Variants in BFSP1 observed in about 807,000 individuals in gnomAD.
BFSP1 encodes beaded filament structural protein 1, also known as filensin.
Under a neutral mutation model 43.9 loss-of-function variants are expected in BFSP1, and 38 were observed. The ratio of observed to expected loss-of-function variants is 0.87; its 90% CI spans 0.67 to 1.14. BFSP1 has a LOEUF of 1.14. BFSP1 is among the 50% of genes most tolerant of loss of function. The pLI, the probability that BFSP1 is intolerant of heterozygous loss-of-function variation, is 0.00. For synonymous variants in BFSP1, 352 were observed against 354.8 expected (o/e 0.99, Z 0.09); for missense variants, 850 against 875.1 (o/e 0.97, Z 0.36).
chr20:17,514,730 C>A lies in BFSP1; in HGVS notation c.525G>T (p.Arg175Ser). 6.2e-7 allele frequency: 1 copy of A among 1,613,934 alleles called. No individual in the cohort carries two copies. ...AAGGGGTCATGATTACCTTCTTGTG[C>A]CTGTCCTTTGCCGCACTGATATCAT... ...LQDDISAAKD[R>S]HKKNLLEVQT... The change falls in exon 3 of 8, where the codon AGG (arginine) becomes AGT (serine). Residue 175 changes from arginine to serine, a missense_variant. By Grantham distance (110) the Arg-to-Ser change is moderately radical. Transcript: ENST00000377873.
intron 5 of BFSP1, among the ~76,000 whole-genome samples, chr20:17,502,183 A>G (rs557559191): frequency 2.6e-5 from 4 of 151,906 alleles, no homozygotes; most frequent in Non-Finnish European, 5.9e-5. Context: ...TTGGAAAAAA[A>G]AAAAAATAGT....
intron 5 of BFSP1, among the ~76,000 whole-genome samples, chr20:17,501,447 C>T (rs1055325872): frequency 6.6e-6 from 1 of 152,084 alleles, no homozygotes; most frequent in Non-Finnish European, 1.5e-5. Context: ...TGCCTGTAAT[C>T]CCAGCTACTC....
At chr20:17,551,596 C>T (rs1377250259) in intron 1 of BFSP1, among the ~76,000 whole-genome samples, 2 of 152,172 alleles carry the variant, frequency 1.3e-5, no homozygotes, top group Non-Finnish European at 2.9e-5. Flanking sequence ...ACATCTACAC[C>T]ACCAATCTTA....
At chr20:17,538,224 GT>G (rs1456535107) in intron 1 of BFSP1, among the ~76,000 whole-genome samples, 1 of 151,934 alleles carries the variant, frequency 6.6e-6, no homozygotes, top group East Asian at 1.9e-4. Flanking sequence ...TAGGAAACTG[GT>G]TTGGGGATGA....
chr20:17,524,433 G>C (rs377640255), intron 2 of BFSP1, among the ~76,000 whole-genome samples: 3 of 152,276 alleles, frequency 2.0e-5, no homozygotes, highest in African/African-American at 7.2e-5. Flanking sequence ...CTGTTATCTT[G>C]AGACTTCTGT....
chr20:17,557,548 A>G (rs2035013603), intron 1 of BFSP1, among the ~76,000 whole-genome samples: 1 of 152,198 alleles, frequency 6.6e-6, no homozygotes, highest in African/African-American at 2.4e-5. Flanking sequence ...GAGTGGTTGT[A>G]GGAGGGTTGC....
intron 5 of BFSP1, among the ~76,000 whole-genome samples, chr20:17,502,176 G>GAA (rs35758521): frequency 1.9e-4 from 28 of 145,164 alleles, no homozygotes; most frequent in Non-Finnish European, 3.0e-4. Flanking sequence ...TGCTCCTTTG[G>GAA]AAAAAAAAAA....
In BFSP1 at chr20:17,553,792, TATACACACACAC is replaced by T. The variant is rs1184599477; in HGVS notation, c.2+4884_2+4895del. Among the ~76,000 whole-genome samples the T allele has an allele frequency of 2.3e-3, 158 of 68,510 alleles. 1 individual carries two copies. In the African/African-American group the frequency reaches 0.024, roughly 11 times the overall value. 44.9% of individuals were successfully genotyped at this position (68,510 alleles called of 152,430 possible). ...ATATATAAACATATATATATATATA[TATACACACACAC>T]ACACACACACACACACACACATATA... is the stretch of plus-strand genomic sequence containing the variant. On this transcript the variant is annotated intron_variant, in intron 1 of 7. Transcript: ENST00000377868.
chr20:17,526,024 CTGTACAG>C (rs1050115548), intron 1 of BFSP1, among the ~76,000 whole-genome samples: 3 of 150,888 alleles, frequency 2.0e-5, no homozygotes, highest in African/African-American at 7.3e-5. Context: ...GTCCCAAATA[CTGTACAG>C]TATCATACTA....
chr20:17,504,905 GTTTTTTTTTTGT>G (rs745827158), intron 5 of BFSP1, among the ~76,000 whole-genome samples: 5,968 of 125,608 alleles, frequency 0.048, 410 homozygotes, highest in African/African-American at 0.15. Context: ...TAGGTGTAAG[GTTTTTTTTTTGT>G]TTTTGTTTTT....
At chr20:17,522,398 G>A (rs890930178) in intron 2 of BFSP1, among the ~76,000 whole-genome samples, 2 of 152,074 alleles carry the variant, frequency 1.3e-5, no homozygotes, top group Non-Finnish European at 2.9e-5. Context: ...CTTGCACAAG[G>A]CCCTCCCCAG....
In BFSP1 at chr20:17,531,120, C is replaced by T. The variant is rs974832705; in HGVS notation, c.210G>A (p.Arg70=). ...ALEQRHAGLR[R]QLDAFQRLGE... Reference sequence around the variant, plus strand: ...CCAGGCGCTGGAAGGCATCCAGCTGCCTCCGGAGCCCGGCATGGCGCTGCT... The same window carrying T: ...CCAGGCGCTGGAAGGCATCCAGCTGTCTCCGGAGCCCGGCATGGCGCTGCT... Residue 70 remains arginine (R), a synonymous_variant, in exon 1 of 8, where the codon AGG becomes AGA. Transcript: ENST00000377873. 14 of 1,335,414 alleles carry T rather than the reference C, an allele frequency of 1.0e-5. No homozygotes were observed. The highest frequency in any genetic ancestry group is 1.3e-5 in the Non-Finnish European group (14 of 1,046,332). The allele number at this position is 1,335,414 out of a possible 1,614,324, so 82.7% of individuals were successfully genotyped here. A position where few individuals can be genotyped will look rare whatever the true frequency, so the allele number is the denominator to read the frequency against.
rs765905262 is a variant in BFSP1 at position 17,494,704 on chromosome 20, T to G, written c.1368A>C (p.Lys456Asn). 6.5e-7 allele frequency: 1 copy of G among 1,536,628 alleles called. No homozygotes were observed. Among genetic ancestry groups the G allele is most frequent in the Non-Finnish European group, 8.8e-7 (1 of 1,139,224 alleles). ...RKVKEKVRSP[K>N]EPETPTELYT... is the part of the protein sequence containing the mutation. ...AGAGCTCAGTGGGGGTCTCAGGCTCTTTGGGGCTTCTCACTTTCTCCTTGA... is the reference window on the plus strand; with the variant it reads ...AGAGCTCAGTGGGGGTCTCAGGCTCGTTGGGGCTTCTCACTTTCTCCTTGA... Residue 456 changes from lysine (K) to asparagine (N), a missense_variant, in exon 8 of 8, where the codon AAA (lysine) becomes AAC (asparagine). Transcript: ENST00000377873.
intron 2 of BFSP1, chr20:17,517,342 A>T (rs1325570419): frequency 1.0e-5 from 10 of 974,542 alleles, no homozygotes; most frequent in South Asian, 1.5e-5. Context: ...ATGAACTAAC[A>T]AACAAAACAA....
At chr20:17,568,824 CT>C (rs146295539) in intron 1 of BFSP1, among the ~76,000 whole-genome samples, 10,614 of 152,032 alleles carry the variant, frequency 0.07, 722 homozygotes, top group African/African-American at 0.17. Context: ...TACTGACCAT[CT>C]TGTCCAAAAG....
upstream of BFSP1, among the ~76,000 whole-genome samples, chr20:17,533,672 G>C (rs1370111619): frequency 6.6e-6 from 1 of 152,192 alleles, no homozygotes; most frequent in East Asian, 1.9e-4. Flanking sequence ...AGGAGGCAGG[G>C]CTCAGCCTGA....
intron 1 of BFSP1, chr20:17,558,663 A>C (rs1436333090): frequency 6.4e-7 from 1 of 1,550,634 alleles, no homozygotes; most frequent in Admixed American, 2.0e-5. Flanking sequence ...AGAATCCAAC[A>C]CTTGCCGTTT....
chr20:17,497,882 C>G (rs1402620907), intron 6 of BFSP1, among the ~76,000 whole-genome samples: 2 of 152,050 alleles, frequency 1.3e-5, no homozygotes, highest in Non-Finnish European at 2.9e-5. Flanking sequence ...TTCTGTGAAG[C>G]CCTGTCCCAA....
intron 5 of BFSP1, among the ~76,000 whole-genome samples, chr20:17,504,409 C>T (rs1236927461): frequency 1.3e-5 from 2 of 152,138 alleles, no homozygotes; most frequent in African/African-American, 2.4e-5. Context: ...ATGCCTGTGA[C>T]GAGAGCCACT....
Sources: gnomAD v4.1 joint callset for allele counts (sites outside exome capture counted in the v4.1 genomes callset) on GRCh38, gnomAD v4.1.1 for gene constraint, MANE v1.5 for transcripts, NCBI Gene and HGNC (gene_info 2026-07-23, HGNC 2026-07-21) for gene names.